The following LRRTM4 variants were observed in gnomAD, a reference collection of about 807,000 sequenced individuals.
LRRTM4 encodes leucine-rich repeat transmembrane neuronal protein 4.
Under a neutral mutation model 47.6 loss-of-function variants are expected in LRRTM4, and 25 were observed. The observed-to-expected ratio is 0.53, with a 90% confidence interval of 0.38 to 0.73. The LOEUF is 0.73. Ranked by LOEUF, LRRTM4 falls within the 30% of genes least tolerant of loss-of-function variation. LRRTM4 has a pLI of 0.00. For missense variants in LRRTM4, 638 were observed against 713.4 expected, an observed-to-expected ratio of 0.89 and a Z score of 1.20; for synonymous variants, 311 against 269.5, an observed-to-expected ratio of 1.15 and a Z score of -1.51.
chr2:77,285,714 C>T (rs1323025048), intron 3 of LRRTM4, among the ~76,000 whole-genome samples: 1 of 151,632 alleles, frequency 6.6e-6, no homozygotes, highest in East Asian at 2.0e-4. Flanking sequence ...TGCACTCCAG[C>T]CTGGGTGACA....
chr2:76,844,272 C>G (rs1008617342), intron 3 of LRRTM4, among the ~76,000 whole-genome samples: 22 of 151,844 alleles, frequency 1.4e-4, no homozygotes, highest in Non-Finnish European at 5.9e-5. Context: ...GTAGCTGGGA[C>G]TACAGACGCA....
intron 3 of LRRTM4, among the ~76,000 whole-genome samples, chr2:77,124,101 C>T (rs1671591092): frequency 6.6e-6 from 1 of 151,986 alleles, no homozygotes; most frequent in Admixed American, 6.6e-5. Flanking sequence ...GGATGTCTAA[C>T]TTCAAGGAAA....
chr2:77,105,331 A>T (rs957300300), intron 3 of LRRTM4, among the ~76,000 whole-genome samples: 7 of 152,154 alleles, frequency 4.6e-5, no homozygotes, highest in African/African-American at 1.7e-4. Context: ...TTGTTGGACA[A>T]ATGATGAGTT....
intron 3 of LRRTM4, among the ~76,000 whole-genome samples, chr2:76,929,722 G>A (rs975258186): frequency 1.3e-5 from 2 of 152,100 alleles, no homozygotes; most frequent in African/African-American, 4.8e-5. Flanking sequence ...ATAATAAAAT[G>A]AGTGTTTACC....
Position 77,518,398 on chromosome 2 carries a change from T to C in LRRTM4, c.1471A>G (p.Thr491Ala), listed in dbSNP as rs1679312267. 2.5e-6 allele frequency: 4 copies of C among 1,612,978 alleles called. No individual in the cohort carries two copies. The highest frequency in any genetic ancestry group is 1.3e-5 in the African/African-American group (1 of 74,892). The change falls in exon 3 of 4, where the codon ACA (threonine) becomes GCA (alanine). Residue 491 changes from threonine to alanine, a missense_variant. Transcript: ENST00000409884. The stretch of plus-strand genomic sequence containing the variant: ...GATATATCCATGGTCTCAGAGTTTG[T>C]AGGCTTGTAGTCCACATAATACTCC... ...LQEYYVDYKP[T>A]NSETMDISVN...
At chr2:77,438,672 C>G (rs1675710608) in intron 3 of LRRTM4, among the ~76,000 whole-genome samples, 1 of 152,118 alleles carries the variant, frequency 6.6e-6, no homozygotes, top group African/African-American at 2.4e-5. Flanking sequence ...TCCCAAAGGG[C>G]TGGGATTACA....
chr2:77,242,848 A>T (rs1049583604), intron 3 of LRRTM4, among the ~76,000 whole-genome samples: 1 of 152,178 alleles, frequency 6.6e-6, no homozygotes, highest in African/African-American at 2.4e-5. Context: ...ATTACCCTAT[A>T]ATCCAAGAAT....
intron 3 of LRRTM4, among the ~76,000 whole-genome samples, chr2:76,887,512 TATATC>T (rs1321761833): frequency 3.6e-5 from 5 of 140,746 alleles, no homozygotes; most frequent in Admixed American, 7.0e-5. Flanking sequence ...TACACATATA[TATATC>T]ATATATGTGA....
intron 3 of LRRTM4, among the ~76,000 whole-genome samples, chr2:77,174,947 A>G (rs1673151146): frequency 6.6e-6 from 1 of 152,122 alleles, no homozygotes; most frequent in African/African-American, 2.4e-5. Flanking sequence ...TAGAGCAGGG[A>G]AGTACATTTC....
At chr2:76,975,354 A>G (rs1056704333) in intron 3 of LRRTM4, among the ~76,000 whole-genome samples, 3 of 151,766 alleles carry the variant, frequency 2.0e-5, no homozygotes, top group African/African-American at 7.2e-5. Context: ...TGAAAACAAA[A>G]TCTTACAGGA....
intron 3 of LRRTM4, among the ~76,000 whole-genome samples, chr2:76,983,744 G>A (rs562459025): frequency 5.3e-5 from 8 of 152,098 alleles, no homozygotes; most frequent in Admixed American, 1.3e-4. Context: ...GATGTGGATC[G>A]TTTCCAATCA....
At chr2:76,962,362 G>A (rs564331097) in intron 3 of LRRTM4, among the ~76,000 whole-genome samples, 15 of 151,044 alleles carry the variant, frequency 9.9e-5, no homozygotes, top group African/African-American at 1.7e-4. Flanking sequence ...ACAATCTTAA[G>A]TAATTACATT....
At chr2:76,826,751 C>T (rs1179621649) in intron 3 of LRRTM4, among the ~76,000 whole-genome samples, 2 of 151,848 alleles carry the variant, frequency 1.3e-5, no homozygotes, top group Non-Finnish European at 2.9e-5. Context: ...GGGCATCACA[C>T]TGATTCAAGT....
chr2:77,013,802 T>C (rs1283140487), intron 3 of LRRTM4, among the ~76,000 whole-genome samples: 1 of 152,204 alleles, frequency 6.6e-6, no homozygotes, highest in Non-Finnish European at 1.5e-5. Flanking sequence ...AAGAGTTATA[T>C]ATTTACCCCA....
At chr2:77,324,915 TAAAG>T (rs1490170775) in intron 3 of LRRTM4, among the ~76,000 whole-genome samples, 1 of 152,142 alleles carries the variant, frequency 6.6e-6, no homozygotes, top group Non-Finnish European at 1.5e-5. Context: ...GGTAGACTGA[TAAAG>T]GAAGGTAGCT....
chr2:77,048,424 G>A (rs1007665454), intron 3 of LRRTM4, among the ~76,000 whole-genome samples: 3 of 151,942 alleles, frequency 2.0e-5, no homozygotes, highest in African/African-American at 7.2e-5. Context: ...TTATAAATAA[G>A]CAATAAAGTC....
At chr2:77,420,117 G>T (rs191171140) in intron 3 of LRRTM4, among the ~76,000 whole-genome samples, 1 of 152,286 alleles carries the variant, frequency 6.6e-6, no homozygotes, top group Non-Finnish European at 1.5e-5. Context: ...CATCATTGTT[G>T]GCAGGATTCA....
intron 3 of LRRTM4, among the ~76,000 whole-genome samples, chr2:77,347,425 T>G (rs546636342): frequency 9.2e-5 from 14 of 152,314 alleles, no homozygotes; most frequent in African/African-American, 3.4e-4. Context: ...ACTATTGGAC[T>G]ATTTATTTAT....
intron 3 of LRRTM4, among the ~76,000 whole-genome samples, chr2:77,046,651 C>T (rs2103757204): frequency 1.3e-5 from 2 of 151,844 alleles, no homozygotes; most frequent in South Asian, 4.2e-4. Flanking sequence ...GAAGCAATTG[C>T]CTCATTCACA....
Sources: gnomAD v4.1 joint callset for allele counts (sites outside exome capture counted in the v4.1 genomes callset) on GRCh38, gnomAD v4.1.1 for gene constraint, MANE v1.5 for transcripts, NCBI Gene and HGNC (gene_info 2026-07-23, HGNC 2026-07-21) for gene names.